The following PLXNA4 variants were observed in gnomAD, a reference collection of about 807,000 sequenced individuals.
The protein encoded by PLXNA4 is plexin-A4.
Under a neutral mutation model 191.8 loss-of-function variants are expected in PLXNA4, and 44 were observed. The observed-to-expected ratio is 0.23, with a 90% CI of 0.18 to 0.29. The LOEUF (loss-of-function observed/expected upper bound fraction) is 0.29. Among genes scored for constraint, PLXNA4 ranks in the 10% least tolerant of loss-of-function variants. PLXNA4 has a pLI of 1.00. For synonymous variants in PLXNA4, 1,082 were observed against 1,009.5 expected (o/e 1.07, Z -1.36); for missense variants, 1,800 against 2,488.8 (o/e 0.72, Z 5.89).
At chr7:132,577,264 C>T (rs991117893), upstream of PLXNA4, 2 of 151,968 alleles carry the variant, frequency 1.3e-5, no homozygotes, top group Non-Finnish European at 2.9e-5. Flanking sequence ...TCGGCCGCCG[C>T]CGGAGCTCCC....
intron 1 of PLXNA4, among the ~76,000 whole-genome samples, chr7:132,538,275 G>A (rs76021967): frequency 0.011 from 1,611 of 152,276 alleles, 25 homozygotes; most frequent in African/African-American, 0.036. Flanking sequence ...CTCCCGAAGC[G>A]GAGACACTCG....
intron 14 of PLXNA4, among the ~76,000 whole-genome samples, chr7:132,188,231 C>G (rs1465132072): frequency 6.6e-6 from 1 of 152,134 alleles, no homozygotes; most frequent in Non-Finnish European, 1.5e-5. Context: ...AAGGGCTGCC[C>G]CCAGCCCTCT....
intron 3 of PLXNA4, among the ~76,000 whole-genome samples, chr7:132,318,156 G>A (rs754697448): frequency 2.0e-5 from 3 of 152,130 alleles, no homozygotes; most frequent in South Asian, 2.1e-4. Context: ...GGACTGGAGC[G>A]GAGAGGGCAG....
chr7:132,415,649 C>T (rs1181309032), intron 3 of PLXNA4, among the ~76,000 whole-genome samples: 2 of 152,206 alleles, frequency 1.3e-5, no homozygotes. Flanking sequence ...TTCTCCTCCT[C>T]ACTCTCAGCT....
chr7:132,332,075 T>C (rs1802610002), intron 3 of PLXNA4, among the ~76,000 whole-genome samples: 1 of 152,180 alleles, frequency 6.6e-6, no homozygotes, highest in Non-Finnish European at 1.5e-5. Flanking sequence ...CACATTTCAT[T>C]AACAATAAAG....
At chr7:132,599,513 T>C (rs1209802039) in intron 2 of PLXNA4, among the ~76,000 whole-genome samples, 1 of 152,178 alleles carries the variant, frequency 6.6e-6, no homozygotes, top group Non-Finnish European at 1.5e-5. Context: ...TTAAATATTT[T>C]ATATTTTGTT....
intron 3 of PLXNA4, among the ~76,000 whole-genome samples, chr7:132,432,221 G>C (rs1795290311): frequency 6.6e-6 from 1 of 152,170 alleles, no homozygotes; most frequent in Non-Finnish European, 1.5e-5. Context: ...GTCACTCGTG[G>C]CATTCTCTAA....
chr7:132,414,728 T>C (rs913166691), intron 3 of PLXNA4, among the ~76,000 whole-genome samples: 1 of 152,102 alleles, frequency 6.6e-6, no homozygotes, highest in Non-Finnish European at 1.5e-5. Flanking sequence ...AGGTTCAAGG[T>C]GGCAAGAAGA....
At position 132,602,849 on chromosome 7, in the gene PLXNA4, G is replaced by A. The variant is rs148981419; in HGVS notation, c.-87+43079C>T. Among the ~76,000 whole-genome samples, 954 of 152,254 alleles carry A rather than the reference G, an allele frequency of 6.3e-3. 7 individuals carry two copies. Among genetic ancestry groups the A allele is most frequent in the Middle Eastern group, 0.041 (12 of 294 alleles). ...CCTTTCAATGGATTCTTCTCTACCCGTGGAAGAGTCACTGAGAAGTGGAAA... is the reference window on the plus strand; with the variant it reads ...CCTTTCAATGGATTCTTCTCTACCCATGGAAGAGTCACTGAGAAGTGGAAA... On this transcript the variant is annotated intron_variant, in intron 2 of 4. Coordinates refer to the PLXNA4 transcript ENST00000378539.
intron 10 of PLXNA4, among the ~76,000 whole-genome samples, chr7:132,205,858 T>C (rs1011384215): frequency 1.1e-4 from 16 of 152,184 alleles, no homozygotes; most frequent in Non-Finnish European, 1.8e-4. Flanking sequence ...ACCAGGAGTG[T>C]TAGTCAAAAA....
chr7:132,127,391 GC>G lies in PLXNA4; in HGVS notation c.*3087del, dbSNP rs1157135287. On this transcript the variant is annotated 3_prime_UTR_variant, in exon 32 of 32. Transcript: ENST00000321063. ...GTTGGCCCAATTCCTTTCTCTGGGA[GC>G]CCGCAAGCCACATGGACAGCCCCTG... 25 of 152,216 alleles carry G rather than the reference GC, an allele frequency of 1.6e-4. No individual in the cohort carries two copies. The highest frequency in any genetic ancestry group is 1.2e-3 in the Admixed American group (19 of 15,302). 9.4% of individuals were successfully genotyped at this position (152,216 alleles called of 1,614,324 possible). A position where few individuals can be genotyped will look rare whatever the true frequency, so the allele number is the denominator to read the frequency against.
At chr7:132,640,980 C>A (rs568188817) in intron 2 of PLXNA4, among the ~76,000 whole-genome samples, 47 of 152,356 alleles carry the variant, frequency 3.1e-4, no homozygotes, top group South Asian at 8.3e-4. Context: ...GAATCACTTT[C>A]CAACTCAGAC....
intron 3 of PLXNA4, among the ~76,000 whole-genome samples, chr7:132,339,761 C>G (rs568369922): frequency 1.3e-5 from 2 of 152,172 alleles, no homozygotes; most frequent in Admixed American, 6.5e-5. Context: ...CAGGGGCCCC[C>G]ACACTTAGTT....
chr7:132,563,217 CCTTCTCCTCCT>C (rs1801415355), intron 1 of PLXNA4, among the ~76,000 whole-genome samples: 1 of 107,244 alleles, frequency 9.3e-6, no homozygotes, highest in Non-Finnish European at 1.9e-5. Flanking sequence ...TCCTCCTCCT[CCTTCTCCTCCT>C]CTTTCTCCTC....
At chr7:132,145,526 G>T (rs532567935) in intron 28 of PLXNA4, 38 of 531,758 alleles carry the variant, frequency 7.1e-5, no homozygotes, top group African/African-American at 6.7e-4. Flanking sequence ...CCTACGTAAG[G>T]CTTCCTCTGC....
At chr7:132,569,336 C>A (rs1179717699) in intron 1 of PLXNA4, among the ~76,000 whole-genome samples, 3 of 152,320 alleles carry the variant, frequency 2.0e-5, no homozygotes. Flanking sequence ...CGGGATCTCA[C>A]CCCTCAATAA....
intron 1 of PLXNA4, among the ~76,000 whole-genome samples, chr7:132,520,424 CCG>C (rs1799128135): frequency 6.6e-6 from 1 of 152,194 alleles, no homozygotes; most frequent in Non-Finnish European, 1.5e-5. Context: ...GGACCTGGGT[CCG>C]CAGCAGGAGG....
intron 9 of PLXNA4, among the ~76,000 whole-genome samples, chr7:132,217,927 T>TTC (rs1562972986): frequency 9.6e-6 from 1 of 103,680 alleles, no homozygotes; most frequent in Non-Finnish European, 1.9e-5. Flanking sequence ...TTTTTTTTTT[T>TTC]CACAGCAGGG....
chr7:132,271,503 T>G (rs80015458), intron 4 of PLXNA4, among the ~76,000 whole-genome samples: 1,904 of 151,736 alleles, frequency 0.013, 37 homozygotes, highest in African/African-American at 0.043. Context: ...GGTACCTAGC[T>G]TTATTTGGGA....
Sources: gnomAD v4.1 joint callset for allele counts (sites outside exome capture counted in the v4.1 genomes callset) on GRCh38, gnomAD v4.1.1 for gene constraint, MANE v1.5 for transcripts, NCBI Gene and HGNC (gene_info 2026-07-23, HGNC 2026-07-21) for gene names.